The following GLI3 variants were observed in gnomAD, a reference collection of about 807,000 sequenced individuals.
GLI3 encodes the protein GLI family zinc finger 3.
In GLI3, 20 loss-of-function variants were observed where a neutral mutation model predicts 100.8. That is an observed-to-expected ratio of 0.20 (90% CI 0.14 to 0.29). GLI3 has a LOEUF of 0.29. Ranked by LOEUF, GLI3 falls within the 10% of genes least tolerant of loss-of-function variation. The probability of loss-of-function intolerance (pLI) is 1.00; values close to 1 mark genes in which losing one functional copy is unlikely to be tolerated. For synonymous variants in GLI3, 938 were observed against 860.5 expected, an observed-to-expected ratio of 1.09 and a Z score of -1.58; for missense variants, 2,040 against 2,128.5, an observed-to-expected ratio of 0.96 and a Z score of 0.82.
At chr7:41,976,703 T>C (rs1295482694) in intron 12 of GLI3, among the ~76,000 whole-genome samples, 2 of 152,240 alleles carry the variant, frequency 1.3e-5, no homozygotes, top group African/African-American at 4.8e-5. Flanking sequence ...TAACAAATTC[T>C]GGTTAGCTAT....
rs113189083 is a variant in GLI3 at position 42,221,937 on chromosome 7, C to A, written c.124+1193G>T. Among the ~76,000 whole-genome samples the A allele has an allele frequency of 2.2e-3, 334 of 152,282 alleles. 2 individuals are homozygous for A. The highest frequency in any genetic ancestry group is 7.6e-3 in the African/African-American group (316 of 41,550). Reference sequence around the variant, plus strand: ...AACTCAGACGTAAATATATCTCCCTCAGGATCAATTTAAAACTGAAGTCAT... The same window carrying A: ...AACTCAGACGTAAATATATCTCCCTAAGGATCAATTTAAAACTGAAGTCAT... On this transcript the variant is annotated intron_variant, in intron 2 of 14. Coordinates refer to ENST00000395925, the MANE Select transcript of GLI3 (RefSeq NM_000168.6).
At chr7:42,012,457 T>A (rs1335485241) in intron 10 of GLI3, among the ~76,000 whole-genome samples, 1 of 152,084 alleles carries the variant, frequency 6.6e-6, no homozygotes, top group Non-Finnish European at 1.5e-5. Flanking sequence ...AACCTGGGGC[T>A]TGTGTAGCAT....
At chr7:42,191,201 G>A (rs1010279392) in intron 2 of GLI3, among the ~76,000 whole-genome samples, 1 of 152,080 alleles carries the variant, frequency 6.6e-6, no homozygotes, top group African/African-American at 2.4e-5. Context: ...AAGCACAGAA[G>A]ATGTAACAGA....
At chr7:42,173,263 C>A (rs1787413336) in intron 2 of GLI3, among the ~76,000 whole-genome samples, 1 of 152,158 alleles carries the variant, frequency 6.6e-6, no homozygotes, top group African/African-American at 2.4e-5. Context: ...AGTTGAAATG[C>A]CTAACACAGA....
At chr7:42,078,637 G>T (rs1187872320) in intron 3 of GLI3, among the ~76,000 whole-genome samples, 5 of 151,696 alleles carry the variant, frequency 3.3e-5, no homozygotes, top group Non-Finnish European at 7.4e-5. Flanking sequence ...GTTTGATCTT[G>T]TATCACTGTC....
intron 13 of GLI3, among the ~76,000 whole-genome samples, chr7:41,969,703 AAC>A (rs1787316991): frequency 1.3e-5 from 2 of 152,302 alleles, no homozygotes; most frequent in South Asian, 4.1e-4. Flanking sequence ...CATTTGTGCA[AAC>A]ACACAGGCAG....
At chr7:42,011,462 G>A (rs1035661161) in intron 10 of GLI3, among the ~76,000 whole-genome samples, 1 of 152,176 alleles carries the variant, frequency 6.6e-6, no homozygotes, top group African/African-American at 2.4e-5. Flanking sequence ...ACTTGTAAAT[G>A]AATGTTCATA....
intron 2 of GLI3, among the ~76,000 whole-genome samples, chr7:42,194,762 T>C (rs1024419306): frequency 8.5e-5 from 12 of 141,856 alleles, no homozygotes; most frequent in Admixed American, 6.2e-4. Flanking sequence ...TCTGTCTCTT[T>C]TTTTTTTTTT....
At position 41,964,871 on chromosome 7, in the gene GLI3, C is replaced by G. The variant is rs780442354; in HGVS notation, c.4202G>C (p.Ser1401Thr). 1.9e-6 allele frequency: 3 copies of G among 1,613,904 alleles called. No homozygotes were observed. The highest frequency in any genetic ancestry group is 2.5e-6 in the Non-Finnish European group (3 of 1,180,042). ...GSRRQAMPRD[S>T]LALQSGQLSD... ...GAGCTGTCCTGACTGCAGAGCAAGG[C>G]TGTCCCTCGGCATAGCCTGGCGCCT... is the stretch of plus-strand genomic sequence containing the variant. The change falls in exon 15 of 15, where the codon AGC (serine) becomes ACC (threonine). Residue 1401 changes from serine to threonine, a missense_variant. Coordinates refer to ENST00000395925, the MANE Select transcript of GLI3 (RefSeq NM_000168.6).
At chr7:42,128,176 C>T (rs1403425641) in intron 3 of GLI3, among the ~76,000 whole-genome samples, 1 of 151,844 alleles carries the variant, frequency 6.6e-6, no homozygotes, top group Non-Finnish European at 1.5e-5. Flanking sequence ...ACCTGAGTAG[C>T]CAGTCTGTAA....
chr7:42,181,665 T>G (rs1760466884), intron 2 of GLI3, among the ~76,000 whole-genome samples: 1 of 152,130 alleles, frequency 6.6e-6, no homozygotes, highest in African/African-American at 2.4e-5. Flanking sequence ...GTTCATATAG[T>G]TTTTAGTATA....
intron 3 of GLI3, among the ~76,000 whole-genome samples, chr7:42,099,914 A>C (rs1785422799): frequency 6.6e-6 from 1 of 152,266 alleles, no homozygotes. Context: ...CACATGCCAA[A>C]GTATTTTCTC....
intron 3 of GLI3, among the ~76,000 whole-genome samples, chr7:42,078,696 G>A (rs1784932494): frequency 6.6e-6 from 1 of 151,542 alleles, no homozygotes. Flanking sequence ...ACAGGTGAGG[G>A]ATATACTAAT....
intron 3 of GLI3, among the ~76,000 whole-genome samples, chr7:42,144,913 G>T (rs1433018095): frequency 6.6e-6 from 1 of 152,080 alleles, no homozygotes; most frequent in Non-Finnish European, 1.5e-5. Context: ...AAGGGCAAGG[G>T]GACTGGCCTA....
chr7:42,026,530 G>A (rs1789119158), intron 7 of GLI3, 118 bp from the exon 8 acceptor site: 1 of 803,718 alleles, frequency 1.2e-6, no homozygotes, highest in Non-Finnish European at 2.1e-6. Context: ...TTGTTTAAAT[G>A]AGAAGGTAGG....
At chr7:42,029,100 A>T (rs1230227538) in intron 7 of GLI3, among the ~76,000 whole-genome samples, 1 of 152,210 alleles carries the variant, frequency 6.6e-6, no homozygotes, top group Non-Finnish European at 1.5e-5. Context: ...ATTCATAAGA[A>T]GCCAGCAACA....
At chr7:42,099,160 T>C (rs1785404787) in intron 3 of GLI3, among the ~76,000 whole-genome samples, 1 of 152,198 alleles carries the variant, frequency 6.6e-6, no homozygotes, top group Admixed American at 6.5e-5. Context: ...TCCCTGGACA[T>C]GCCATTTTCA....
At chr7:42,097,004 C>G (rs1246585835) in intron 3 of GLI3, among the ~76,000 whole-genome samples, 5 of 152,168 alleles carry the variant, frequency 3.3e-5, no homozygotes, top group African/African-American at 1.2e-4. Context: ...TCAATTTCAC[C>G]CCCTTCACAT....
intron 5 of GLI3, among the ~76,000 whole-genome samples, chr7:42,046,915 G>A (rs756856512): frequency 5.3e-5 from 8 of 152,172 alleles, no homozygotes; most frequent in Non-Finnish European, 7.3e-5. Context: ...CAGCACTTTG[G>A]GAGGTAGAGG....
Sources: gnomAD v4.1 joint callset for allele counts (sites outside exome capture counted in the v4.1 genomes callset) on GRCh38, gnomAD v4.1.1 for gene constraint, MANE v1.5 for transcripts, NCBI Gene and HGNC (gene_info 2026-07-23, HGNC 2026-07-21) for gene names.